Variants in CA10 observed in about 807,000 individuals in gnomAD.
CA10 encodes carbonic anhydrase-related protein 10.
CA10 carries 14 observed loss-of-function variants against 44.2 expected under a neutral mutation model. That is an observed-to-expected ratio of 0.32 (90% confidence interval 0.21 to 0.50). CA10 has a LOEUF of 0.50. CA10 is among the 20% of genes least tolerant of loss of function. The pLI, the probability that CA10 is intolerant of heterozygous loss-of-function variation, is 0.99. For missense variants in CA10, 350 were observed against 409.7 expected, an observed-to-expected ratio of 0.85 and a Z score of 1.26; for synonymous variants, 159 against 141.6, an observed-to-expected ratio of 1.12 and a Z score of -0.87.
chr17:52,083,502 T>C (rs532151824), intron 1 of CA10, among the ~76,000 whole-genome samples: 1 of 152,322 alleles, frequency 6.6e-6, no homozygotes, highest in East Asian at 1.9e-4. Context: ...AGGCTTTTAG[T>C]GTAACCCTCA....
At chr17:51,850,137 TCTATGAGAA>T (rs753775913) in intron 3 of CA10, among the ~76,000 whole-genome samples, 3 of 152,164 alleles carry the variant, frequency 2.0e-5, no homozygotes, top group Non-Finnish European at 2.9e-5. Context: ...TTAAGAGAGA[TCTATGAGAA>T]ATAAACTTTA....
At chr17:51,819,213 G>A (rs1907675585) in intron 3 of CA10, among the ~76,000 whole-genome samples, 1 of 152,226 alleles carries the variant, frequency 6.6e-6, no homozygotes, top group East Asian at 1.9e-4. Context: ...GTGTCAGCAA[G>A]TGTGGGTACT....
At position 51,839,684 on chromosome 17, in the gene CA10, T is replaced by C. The variant is rs577286199; in HGVS notation, c.279+91306A>G. ...TGACAGGGGACCCTGGAGGGGCTTATAGCTTGGTAGAGAGATTGGCCTATA... is the reference window on the plus strand; with the variant it reads ...TGACAGGGGACCCTGGAGGGGCTTACAGCTTGGTAGAGAGATTGGCCTATA... On this transcript the variant is annotated intron_variant, in intron 3 of 8. Coordinates refer to ENST00000451037, the MANE Select transcript of CA10 (RefSeq NM_020178.5). Among the ~76,000 whole-genome samples, 20 of 152,248 alleles carry C rather than the reference T, an allele frequency of 1.3e-4. No individual in the cohort carries two copies. The East Asian group carries it at 3.7e-3, about 28-fold the overall frequency.
At chr17:51,873,842 T>G (rs1979928376) in intron 3 of CA10, among the ~76,000 whole-genome samples, 1 of 152,200 alleles carries the variant, frequency 6.6e-6, no homozygotes, top group Non-Finnish European at 1.5e-5. Context: ...AAATACACAT[T>G]TCACTGCCTA....
chr17:51,749,580 T>G (rs1257470025), intron 3 of CA10, among the ~76,000 whole-genome samples: 1 of 152,240 alleles, frequency 6.6e-6, no homozygotes, highest in Admixed American at 6.5e-5. Context: ...TAAATGATTA[T>G]TTAAGTCTCT....
chr17:51,727,293 C>A (rs1279135292), intron 4 of CA10, among the ~76,000 whole-genome samples: 1 of 152,124 alleles, frequency 6.6e-6, no homozygotes, highest in African/African-American at 2.4e-5. Flanking sequence ...GAAAGGTCTT[C>A]CCCCCATCTC....
intron 3 of CA10, among the ~76,000 whole-genome samples, chr17:51,802,369 A>T (rs748797045): frequency 6.6e-6 from 1 of 151,856 alleles, no homozygotes; most frequent in Non-Finnish European, 1.5e-5. Context: ...GAAAGAGCTC[A>T]CTCTGCCATG....
At chr17:51,771,225 C>G (rs912916693) in intron 3 of CA10, among the ~76,000 whole-genome samples, 1 of 151,050 alleles carries the variant, frequency 6.6e-6, no homozygotes, top group African/African-American at 2.4e-5. Flanking sequence ...CCCTATGATC[C>G]AAACACCTCC....
At chr17:51,991,796 C>T (rs924365962) in intron 2 of CA10, among the ~76,000 whole-genome samples, 29 of 151,986 alleles carry the variant, frequency 1.9e-4, no homozygotes, top group Admixed American at 1.4e-3. Context: ...GCAACAAGAG[C>T]GAAACTCCAT....
At chr17:52,039,527 CAT>C (rs1215102929) in intron 2 of CA10, among the ~76,000 whole-genome samples, 1 of 152,014 alleles carries the variant, frequency 6.6e-6, no homozygotes, top group African/African-American at 2.4e-5. Context: ...CTCTGCTACC[CAT>C]ATATCATTTG....
chr17:51,836,911 T>C (rs1225203727), intron 3 of CA10, among the ~76,000 whole-genome samples: 5 of 152,072 alleles, frequency 3.3e-5, no homozygotes, highest in African/African-American at 1.2e-4. Context: ...TTAGTGTATA[T>C]ACTTACCTCT....
chr17:51,829,024 C>T (rs1436727565), intron 3 of CA10, among the ~76,000 whole-genome samples: 1 of 152,120 alleles, frequency 6.6e-6, no homozygotes, highest in African/African-American at 2.4e-5. Context: ...GTCAGTAAAC[C>T]ACCCCCCAAG....
intron 7 of CA10, among the ~76,000 whole-genome samples, chr17:51,634,049 G>A (rs1912715758): frequency 6.6e-6 from 1 of 152,224 alleles, no homozygotes; most frequent in Admixed American, 6.5e-5. Flanking sequence ...ATGGGTCAGA[G>A]CTAAACTAAG....
At chr17:51,748,602 A>G in intron 3 of CA10, 1 of 492,954 alleles carries the variant, frequency 2.0e-6, no homozygotes, top group Non-Finnish European at 2.6e-6. Context: ...CTACTTTCTT[A>G]CTCTCTTGGG....
At chr17:51,803,323 A>C (rs1320387556) in intron 3 of CA10, among the ~76,000 whole-genome samples, 1 of 152,012 alleles carries the variant, frequency 6.6e-6, no homozygotes, top group African/African-American at 2.4e-5. Context: ...CTGAGCCTTT[A>C]CTGTCCCAAA....
intron 4 of CA10, among the ~76,000 whole-genome samples, chr17:51,732,734 T>C (rs374395739): frequency 3.5e-4 from 53 of 152,224 alleles, no homozygotes; most frequent in East Asian, 1.5e-3. Context: ...TTGGAGAATG[T>C]GGAATTGGGA....
intron 4 of CA10, among the ~76,000 whole-genome samples, chr17:51,679,467 T>C (rs542024050): frequency 2.0e-5 from 3 of 152,184 alleles, no homozygotes; most frequent in South Asian, 4.2e-4. Context: ...TTCACCGTGT[T>C]AGCCAGGATG....
intron 4 of CA10, among the ~76,000 whole-genome samples, chr17:51,733,438 G>GAGAC (rs1425953771): frequency 7.9e-5 from 12 of 152,164 alleles, no homozygotes; most frequent in African/African-American, 1.4e-4. Flanking sequence ...AGTGACAAGC[G>GAGAC]AGACAGGATT....
chr17:52,067,030 A>C (rs1987555894), intron 2 of CA10, among the ~76,000 whole-genome samples: 1 of 152,272 alleles, frequency 6.6e-6, no homozygotes, highest in African/African-American at 2.4e-5. Flanking sequence ...GTGATAGAAA[A>C]GAAAAACCCA....
Sources: gnomAD v4.1 joint callset for allele counts (sites outside exome capture counted in the v4.1 genomes callset) on GRCh38, gnomAD v4.1.1 for gene constraint, MANE v1.5 for transcripts, NCBI Gene and HGNC (gene_info 2026-07-23, HGNC 2026-07-21) for gene names.